Variants in ANKDD1B observed in about 807,000 individuals in gnomAD.
The protein encoded by ANKDD1B is ankyrin repeat and death domain-containing protein 1B.
ANKDD1B carries 57 observed loss-of-function variants against 59.7 expected under a neutral mutation model. The ratio of observed to expected loss-of-function variants is 0.95; its 90% CI spans 0.77 to 1.19. The LOEUF (loss-of-function observed/expected upper bound fraction) is 1.19. Among genes scored for constraint, ANKDD1B ranks in the 50% most tolerant of loss-of-function variants. ANKDD1B has a pLI of 0.00. For synonymous variants in ANKDD1B, 216 were observed against 239.5 expected, an observed-to-expected ratio of 0.90 and a Z score of 0.91; for missense variants, 602 against 641.9, an observed-to-expected ratio of 0.94 and a Z score of 0.67.
chr5:75,652,468 G>T (rs946975653), intron 7 of ANKDD1B, among the ~76,000 whole-genome samples: 4 of 152,120 alleles, frequency 2.6e-5, no homozygotes, highest in Admixed American at 6.6e-5. Context: ...TAGAAACTGG[G>T]TCTCACTCTG....
intron 7 of ANKDD1B, among the ~76,000 whole-genome samples, chr5:75,642,680 G>A (rs1222010545): frequency 1.5e-4 from 16 of 106,012 alleles, no homozygotes; most frequent in Middle Eastern, 4.2e-3. Context: ...AGGGGCGCCC[G>A]CCATTGCCCA....
At chr5:75,653,997 CAATGTGG>C (rs1774895134) in intron 8 of ANKDD1B, among the ~76,000 whole-genome samples, 1 of 152,230 alleles carries the variant, frequency 6.6e-6, no homozygotes, top group East Asian at 1.9e-4. Context: ...CACTTCTTTG[CAATGTGG>C]GATGCTTTCT....
At chr5:75,645,031 A>G (rs1774602571) in intron 7 of ANKDD1B, among the ~76,000 whole-genome samples, 1 of 134,656 alleles carries the variant, frequency 7.4e-6, no homozygotes, top group African/African-American at 3.9e-5. Context: ...GCAGAAATAA[A>G]GATGTTCTTT....
rs952539944 is a variant in ANKDD1B at position 75,625,834 on chromosome 5, C to T, written c.496-17C>T. 9 of 1,532,814 alleles carry T rather than the reference C, an allele frequency of 5.9e-6. No homozygotes were observed. Among genetic ancestry groups the T allele is most frequent in the Middle Eastern group, 1.7e-4 (1 of 6,002 alleles). The allele number at this position is 1,532,814 out of a possible 1,614,324, so 95.0% of individuals were successfully genotyped here. A position where few individuals can be genotyped will look rare whatever the true frequency, so the allele number is the denominator to read the frequency against. On this transcript the variant is annotated splice_polypyrimidine_tract_variant and intron_variant, in intron 4 of 13. Transcript: ENST00000601380. ...CTGAGGTCACTGTCTATCTCCCCCACCCCTGGTTCTCTTCAGGATGGAATG... is the reference window on the plus strand; with the variant it reads ...CTGAGGTCACTGTCTATCTCCCCCATCCCTGGTTCTCTTCAGGATGGAATG...
chr5:75,621,445 C>T (rs1321978260), intron 3 of ANKDD1B, among the ~76,000 whole-genome samples: 1 of 152,076 alleles, frequency 6.6e-6, no homozygotes, highest in Non-Finnish European at 1.5e-5. Context: ...ACAGAGTCCT[C>T]AGCTGTTCCA....
intron 7 of ANKDD1B, among the ~76,000 whole-genome samples, chr5:75,640,352 A>G (rs555769216): frequency 1.2e-4 from 19 of 152,246 alleles, no homozygotes; most frequent in Middle Eastern, 3.4e-3. Flanking sequence ...CCACTTTGAC[A>G]CTTTTCAGCT....
At position 75,611,778 on chromosome 5, in the gene ANKDD1B, G is replaced by A; in HGVS notation, c.144G>A (p.Lys48=). The A allele has an allele frequency of 1.6e-6, 2 of 1,232,036 alleles. No individual in the cohort carries two copies. The highest frequency in any genetic ancestry group is 2.0e-6 in the Non-Finnish European group (2 of 988,102). The allele number at this position is 1,232,036 out of a possible 1,614,324, so 76.3% of individuals were successfully genotyped here. A position where few individuals can be genotyped will look rare whatever the true frequency, so the allele number is the denominator to read the frequency against. The change falls in exon 1 of 14, where the codon AAG becomes AAA. Residue 48 remains lysine (K), a synonymous_variant. Coordinates refer to ENST00000601380, the MANE Select transcript of ANKDD1B (RefSeq NM_001276713.2). ...LPWRSLSRIP[K]REGLGEEDTA... is the part of the protein sequence containing the mutation. Reference sequence around the variant, plus strand: ...GGAGGAGCCTGTCCCGGATCCCGAAGCGGGAGGGTCTTGGAGAGGAGGACA... The same window carrying A: ...GGAGGAGCCTGTCCCGGATCCCGAAACGGGAGGGTCTTGGAGAGGAGGACA...
intron 10 of ANKDD1B, among the ~76,000 whole-genome samples, chr5:75,661,442 GT>G (rs1775148959): frequency 1.4e-5 from 2 of 140,232 alleles, no homozygotes; most frequent in Non-Finnish European, 3.0e-5. Context: ...CAGGCCCACT[GT>G]GGACGATTTA....
intron 7 of ANKDD1B, among the ~76,000 whole-genome samples, chr5:75,639,305 TC>T (rs1774399999): frequency 6.6e-6 from 1 of 152,130 alleles, no homozygotes; most frequent in South Asian, 2.1e-4. Flanking sequence ...CAAGTGACTT[TC>T]CTGCCTCAGC....
rs776989388 is a variant in ANKDD1B at position 75,620,387 on chromosome 5, A to G, written c.370A>G (p.Lys124Glu). Reference protein sequence around the residue: ...LSAVDFLLKHKARVDVADKHG... With the variant: ...LSAVDFLLKHEARVDVADKHG... ...TGCAGTGGATTTCTTGCTTAAACAC[A>G]AGGCCAGGGTGGATGTTGCTGATAA... The change falls in exon 3 of 14, where the codon AAG becomes GAG. Residue 124 changes from lysine (K) to glutamate (E), a missense_variant. This residue lies in a region of ANKDD1B where 317 missense variants were observed against 304.6 expected (regional missense o/e 1.04). Transcript: ENST00000601380. 4 of 1,534,608 alleles carry G rather than the reference A, an allele frequency of 2.6e-6. No homozygotes were observed.
chr5:75,659,015 A>G (rs917029245), intron 9 of ANKDD1B, among the ~76,000 whole-genome samples: 2 of 152,070 alleles, frequency 1.3e-5, no homozygotes, highest in African/African-American at 2.4e-5. Flanking sequence ...TAGGTACCTA[A>G]TATTGAAATC....
At chr5:75,619,892 C>T (rs777730191) in intron 2 of ANKDD1B, among the ~76,000 whole-genome samples, 1 of 152,142 alleles carries the variant, frequency 6.6e-6, no homozygotes, top group African/African-American at 2.4e-5. Context: ...TAGAGAAGAA[C>T]GAACACGAGT....
At chr5:75,613,527 G>T (rs1205041927) in intron 1 of ANKDD1B, among the ~76,000 whole-genome samples, 1 of 152,226 alleles carries the variant, frequency 6.6e-6, no homozygotes, top group Non-Finnish European at 1.5e-5. Context: ...TAGGTGGGAA[G>T]ATGTGGGAAT....
At chr5:75,653,008 A>C in intron 7 of ANKDD1B, 134 bp from the exon 8 acceptor site, 1 of 677,112 alleles carries the variant, frequency 1.5e-6, no homozygotes, top group Non-Finnish European at 2.6e-6. Flanking sequence ...GTCATTGACC[A>C]AATCACTGTT....
chr5:75,669,216 T>TGGTGTTTTACCTCG, intron 12 of ANKDD1B, 36 bp from the exon 13 acceptor site: 1 of 1,231,708 alleles, frequency 8.1e-7, no homozygotes, highest in Non-Finnish European at 1.0e-6. Context: ...TAGCAGCTCG[T>TGGTGTTTTACCTCG]GGTGTTTTAC....
intron 7 of ANKDD1B, among the ~76,000 whole-genome samples, chr5:75,640,558 T>A (rs1426393980): frequency 1.3e-5 from 2 of 152,214 alleles, no homozygotes; most frequent in Non-Finnish European, 2.9e-5. Context: ...GTAATTTCAT[T>A]CCATGACAAA....
chr5:75,661,395 T>TG lies in ANKDD1B; in HGVS notation c.1096-1998dup, dbSNP rs1775140304. On this transcript the variant is annotated intron_variant, in intron 10 of 13. Transcript: ENST00000601380. ...CTGGGTGAAAGAGCGAAACTCCGTCTGAAAAAAAAAAAAAAAAAAAAAAAA... is the reference window on the plus strand; with the variant it reads ...CTGGGTGAAAGAGCGAAACTCCGTCTGGAAAAAAAAAAAAAAAAAAAAAAAA... Among the ~76,000 whole-genome samples, 5 of 44,730 alleles carry TG rather than the reference T, an allele frequency of 1.1e-4. No individual in the cohort carries two copies. In the South Asian group the frequency reaches 6.0e-3, roughly 54 times the overall value. 29.3% of individuals were successfully genotyped at this position (44,730 alleles called of 152,430 possible). A position where few individuals can be genotyped will look rare whatever the true frequency, so the allele number is the denominator to read the frequency against.
At chr5:75,622,863 C>T (rs184995997) in intron 3 of ANKDD1B, among the ~76,000 whole-genome samples, 21 of 152,152 alleles carry the variant, frequency 1.4e-4, no homozygotes, top group African/African-American at 3.1e-4. Flanking sequence ...CACCTGTGAG[C>T]GGTGATTCAT....
intron 11 of ANKDD1B, 63 bp downstream of exon 11, chr5:75,663,552 G>T (rs1174077847): frequency 1.6e-6 from 2 of 1,288,116 alleles, no homozygotes; most frequent in African/African-American, 1.5e-5. Context: ...TCTTGCAGGG[G>T]CAATGGGGGG....
Sources: gnomAD v4.1 joint callset for allele counts (sites outside exome capture counted in the v4.1 genomes callset) on GRCh38, gnomAD v4.1.1 for gene constraint, gnomAD v4.1.1 regional missense constraint, MANE v1.5 for transcripts, NCBI Gene and HGNC (gene_info 2026-07-23, HGNC 2026-07-21) for gene names.